Variants in PRKG1 observed in about 807,000 individuals in gnomAD.
PRKG1 encodes cGMP-dependent protein kinase 1.
Under a neutral mutation model 88.1 loss-of-function variants are expected in PRKG1, and 35 were observed. The observed-to-expected ratio is 0.40, with a 90% CI of 0.30 to 0.53. PRKG1 has a LOEUF of 0.53. Ranked by LOEUF, PRKG1 falls within the 20% of genes least tolerant of loss-of-function variation. The probability of loss-of-function intolerance (pLI) is 0.59; values close to 1 mark genes in which losing one functional copy is unlikely to be tolerated. For synonymous variants in PRKG1, 303 were observed against 292.5 expected, an observed-to-expected ratio of 1.04 and a Z score of -0.37; for missense variants, 540 against 839.8, an observed-to-expected ratio of 0.64 and a Z score of 4.41.
chr10:51,581,832 C>A (rs1055528111), intron 3 of PRKG1, among the ~76,000 whole-genome samples: 4 of 151,236 alleles, frequency 2.6e-5, no homozygotes, highest in Non-Finnish European at 1.5e-5. Context: ...AGGAGCATTT[C>A]ATCTTTTATT....
At chr10:51,725,511 A>C (rs534279848) in intron 3 of PRKG1, among the ~76,000 whole-genome samples, 2 of 152,224 alleles carry the variant, frequency 1.3e-5, no homozygotes, top group African/African-American at 4.8e-5. Flanking sequence ...GTCCATGCTT[A>C]ATGGATTTCT....
chr10:51,362,625 AT>A (rs560482137), intron 2 of PRKG1, among the ~76,000 whole-genome samples: 29 of 151,654 alleles, frequency 1.9e-4, no homozygotes, highest in South Asian at 1.2e-3. Context: ...TTGAAACTGT[AT>A]TTTTTTTATT....
At chr10:51,690,356 C>G (rs571609554) in intron 3 of PRKG1, among the ~76,000 whole-genome samples, 4,382 of 152,108 alleles carry the variant, frequency 0.029, 177 homozygotes, top group African/African-American at 0.097. Flanking sequence ...CTATATAGGA[C>G]ACATAAGGAT....
chr10:51,129,961 A>G (rs761371367), intron 1 of PRKG1, among the ~76,000 whole-genome samples: 1 of 152,120 alleles, frequency 6.6e-6, no homozygotes, highest in Non-Finnish European at 1.5e-5. Flanking sequence ...AGAGAGACCT[A>G]GTCTCATTGG....
intron 12 of PRKG1, among the ~76,000 whole-genome samples, chr10:52,274,274 C>T (rs1050544567): frequency 6.7e-6 from 1 of 149,108 alleles, no homozygotes; most frequent in Non-Finnish European, 1.5e-5. Context: ...CCCTCACCCC[C>T]CTCCGACTCT....
At chr10:51,613,638 C>T (rs1439507046) in intron 3 of PRKG1, among the ~76,000 whole-genome samples, 1 of 151,462 alleles carries the variant, frequency 6.6e-6, no homozygotes, top group Non-Finnish European at 1.5e-5. Context: ...CTGTAATGTT[C>T]CCTCTTAGCA....
intron 8 of PRKG1, among the ~76,000 whole-genome samples, chr10:52,157,301 T>G (rs1395933417): frequency 2.0e-5 from 2 of 98,424 alleles, no homozygotes; most frequent in South Asian, 3.3e-4. Flanking sequence ...GTGTGTGAGT[T>G]AGTTGATATA....
At chr10:51,634,380 G>A (rs1476637057) in intron 3 of PRKG1, among the ~76,000 whole-genome samples, 1 of 152,046 alleles carries the variant, frequency 6.6e-6, no homozygotes, top group Admixed American at 6.6e-5. Context: ...TATAATTAGG[G>A]CCAAAGGGAC....
chr10:51,862,444 A>T (rs1046129744), intron 4 of PRKG1, among the ~76,000 whole-genome samples: 3 of 152,268 alleles, frequency 2.0e-5, no homozygotes, highest in African/African-American at 7.2e-5. Flanking sequence ...GTCAGGGAAG[A>T]ATTTTGTTGA....
chr10:51,080,712 C>T (rs565434406), intron 1 of PRKG1, among the ~76,000 whole-genome samples: 13 of 152,198 alleles, frequency 8.5e-5, no homozygotes, highest in African/African-American at 3.1e-4. Flanking sequence ...CATTTTGTAT[C>T]CTAATCTGAA....
chr10:51,623,041 C>T (rs1320967246), intron 3 of PRKG1, among the ~76,000 whole-genome samples: 1 of 152,156 alleles, frequency 6.6e-6, no homozygotes, highest in African/African-American at 2.4e-5. Flanking sequence ...TCAATGGAAA[C>T]ATTTTTATTG....
chr10:51,165,676 G>C (rs551787050), intron 2 of PRKG1, among the ~76,000 whole-genome samples: 3 of 152,096 alleles, frequency 2.0e-5, no homozygotes, highest in South Asian at 4.2e-4. Context: ...ACACACATAG[G>C]CTCAAAATAA....
intron 3 of PRKG1, among the ~76,000 whole-genome samples, chr10:51,788,768 G>A (rs1042834839): frequency 6.6e-6 from 1 of 152,114 alleles, no homozygotes; most frequent in Non-Finnish European, 1.5e-5. Context: ...GTGATGTAGA[G>A]GTATATGACA....
At chr10:52,183,921 C>T (rs926575367) in intron 9 of PRKG1, among the ~76,000 whole-genome samples, 1 of 152,146 alleles carries the variant, frequency 6.6e-6, no homozygotes, top group African/African-American at 2.4e-5. Flanking sequence ...AGTGTTCTTC[C>T]ATTTACCTTT....
chr10:51,161,590 T>C (rs1044065384), intron 2 of PRKG1, among the ~76,000 whole-genome samples: 6 of 152,196 alleles, frequency 3.9e-5, no homozygotes, highest in African/African-American at 1.4e-4. Context: ...GTACTTGTTT[T>C]GAGATGATGG....
chr10:52,170,487 A>C (rs925334705), intron 9 of PRKG1, among the ~76,000 whole-genome samples: 2 of 152,148 alleles, frequency 1.3e-5, no homozygotes, highest in African/African-American at 4.8e-5. Flanking sequence ...ATGCACAAAA[A>C]CATTAGTGGC....
intron 2 of PRKG1, among the ~76,000 whole-genome samples, chr10:51,162,688 A>G (rs1589210458): frequency 6.6e-6 from 1 of 152,290 alleles, no homozygotes; most frequent in East Asian, 1.9e-4. Flanking sequence ...TCATAAGAAT[A>G]TATAGGAGGA....
intron 2 of PRKG1, among the ~76,000 whole-genome samples, chr10:51,376,953 A>T (rs1287475992): frequency 1.3e-5 from 2 of 152,200 alleles, no homozygotes; most frequent in East Asian, 3.9e-4. Context: ...CTGGGAGTAC[A>T]GTCGTGAGCC....
chr10:52,183,860 G>A (rs1204997329), intron 9 of PRKG1, among the ~76,000 whole-genome samples: 1 of 152,202 alleles, frequency 6.6e-6, no homozygotes, highest in Non-Finnish European at 1.5e-5. Flanking sequence ...ATGACTATGG[G>A]ATTCTCTGTA....
Sources: allele counts gnomAD v4.1 joint callset (sites outside exome capture counted in the v4.1 genomes callset), GRCh38; gene constraint gnomAD v4.1.1; transcripts MANE v1.5; gene names NCBI Gene and HGNC (gene_info 2026-07-23, HGNC 2026-07-21).